The following CEP95 variants were observed in gnomAD, a reference collection of about 807,000 sequenced individuals.
CEP95 encodes the protein centrosomal protein 95.
Under a neutral mutation model 111.2 loss-of-function variants are expected in CEP95, and 98 were observed. The observed-to-expected ratio is 0.88, with a 90% confidence interval of 0.75 to 1.04. The LOEUF (loss-of-function observed/expected upper bound fraction) is 1.04, where lower values mean the gene tolerates loss of function less well. Ranked by LOEUF, CEP95 falls within the 50% of genes least tolerant of loss-of-function variation. CEP95 has a pLI of 0.00. For missense variants in CEP95, 1,027 were observed against 977.2 expected, an observed-to-expected ratio of 1.05 and a Z score of -0.68; for synonymous variants, 323 against 327.1, an observed-to-expected ratio of 0.99 and a Z score of 0.14.
intron 4 of CEP95, 170 bp downstream of exon 4, chr17:64,514,528 G>A: frequency 2.1e-6 from 1 of 466,652 alleles, no homozygotes; most frequent in Non-Finnish European, 3.8e-6. Flanking sequence ...GTTGGAAACT[G>A]TCTTAGACTG....
intron 1 of CEP95, chr17:64,508,061 G>T: frequency 1.0e-6 from 1 of 985,350 alleles, no homozygotes; most frequent in South Asian, 4.7e-5. Context: ...CATTACCGTT[G>T]ATGTTGTTAT....
Position 64,521,532 on chromosome 17 carries a change from G to A in CEP95, c.715+5G>A, listed in dbSNP as rs782242928. On this transcript the variant is annotated splice_donor_5th_base_variant and intron_variant, in intron 7 of 19. Transcript: ENST00000556440. ...GGACATCCTTTGTTGAAGACAGTGA[G>A]TTGTAATGGATGTTAGTTCTTTACT... is the stretch of plus-strand genomic sequence containing the variant. The A allele has an allele frequency of 3.7e-6, 6 of 1,607,910 alleles. No individual in the cohort carries two copies. Among genetic ancestry groups the A allele is most frequent in the Non-Finnish European group, 4.2e-6 (5 of 1,177,426 alleles).
rs142499688 is a variant in CEP95, at chr17:64,527,917, ACTAT to A, written c.1306+658_1306+661del. Among the ~76,000 whole-genome samples the A allele has an allele frequency of 4.3e-3, 638 of 149,310 alleles. 3 individuals carry two copies. The highest frequency in any genetic ancestry group is 0.011 in the African/African-American group (452 of 40,556). ...ACACACACACACACACGCGTGTAGC[ACTAT>A]CTATTTCCCCTATTGCTGGACATGT... On this transcript the variant is annotated intron_variant, in intron 11 of 19. Coordinates refer to ENST00000556440, the MANE Select transcript of CEP95 (RefSeq NM_138363.3).
At chr17:64,506,810 C>G (rs1239820445), upstream of CEP95, 4 of 573,372 alleles carry the variant, frequency 7.0e-6, no homozygotes, top group African/African-American at 5.6e-5. Context: ...TGATGTGGAC[C>G]GTCCGACCCG....
intron 3 of CEP95, among the ~76,000 whole-genome samples, chr17:64,511,103 A>C (rs1555674769): frequency 6.6e-6 from 1 of 152,194 alleles, no homozygotes; most frequent in African/African-American, 2.4e-5. Flanking sequence ...GTACTTCACA[A>C]GGTAATAGAA....
In CEP95 at chr17:64,522,753, C is replaced by A; in HGVS notation, c.767C>A (p.Pro256His). The A allele has an allele frequency of 1.2e-6, 2 of 1,613,780 alleles. No individual in the cohort carries two copies. Among genetic ancestry groups the A allele is most frequent in the Non-Finnish European group, 1.7e-6 (2 of 1,179,796 alleles). The change falls in exon 8 of 20, where the codon CCT becomes CAT. Residue 256 changes from proline to histidine, a missense_variant. By Grantham distance (77) the Pro-to-His change is moderately conservative. Transcript: ENST00000556440. ...GIPNARKLGE[P>H]IRAAIPLHPP... ...CCAAATGCTAGGAAGCTAGGGGAGC[C>A]TATCCGAGCAGCTATTCCTTTACAT...
Position 64,521,274 on chromosome 17 carries a change from A to C in CEP95, c.590-128A>C. ...AATAATTGGTATTTTGAGCAGTTGG[A>C]CCAACATTATTTCGTTCAACATTAT... On this transcript the variant is annotated intron_variant, in intron 6 of 19. Transcript: ENST00000556440. The C allele has an allele frequency of 4.6e-6, 3 of 652,868 alleles. No individual in the cohort carries two copies. In the South Asian group the frequency reaches 6.2e-5, roughly 13 times the overall value. The allele number at this position is 652,868 out of a possible 1,614,324, so 40.4% of individuals were successfully genotyped here.
chr17:64,509,504 G>A (rs771659731), intron 2 of CEP95, among the ~76,000 whole-genome samples: 4 of 152,176 alleles, frequency 2.6e-5, no homozygotes, highest in Non-Finnish European at 4.4e-5. Context: ...GGCCAATATG[G>A]CAAAATGCCA....
Position 64,519,934 on chromosome 17 carries a change from A to C in CEP95, c.589+498A>C, listed in dbSNP as rs1471437230. Among the ~76,000 whole-genome samples, 4 of 151,918 alleles carry C rather than the reference A, an allele frequency of 2.6e-5. No individual in the cohort carries two copies. In the East Asian group the frequency reaches 7.7e-4, roughly 29 times the overall value. ...AACCTTGCCCTCCTCCAATCATCCT[A>C]CTCCATCCTGTCCACCGTGGCTTCA... is the stretch of plus-strand genomic sequence containing the variant. On this transcript the variant is annotated intron_variant, in intron 6 of 19. Transcript: ENST00000556440.
rs1968518143 is a variant in CEP95, at chr17:64,534,590, C to T, written c.1923C>T (p.Asp641=). ...CTCCCCTTTCCCTTTCTTAGCAAGA[C>T]TTCAAGGACTGCATTCGTAGGCAAA... The part of the protein sequence containing the change: ...KEYEHNKRLQ[D]FKDCIRRQRL... Residue 641 remains aspartate, a synonymous_variant, in exon 17 of 20, where the codon GAC becomes GAT. Coordinates refer to ENST00000556440, the MANE Select transcript of CEP95 (RefSeq NM_138363.3). 6.2e-7 allele frequency: 1 copy of T among 1,613,158 alleles called. No homozygotes were observed. The highest frequency in any genetic ancestry group is 2.2e-5 in the East Asian group (1 of 44,824).
Position 64,537,589 on chromosome 17 carries a change from CCTT to C in CEP95, c.2290-10_2290-8del, listed in dbSNP as rs1568162252. Reference sequence around the variant, plus strand: ...ATGCTGTGAACAGCGGGATGACATGCCTTCTTTTTTCAGACATTACATAAGGTG... The same window carrying C: ...ATGCTGTGAACAGCGGGATGACATGCCTTTTTTCAGACATTACATAAGGTG... On this transcript the variant is annotated splice_polypyrimidine_tract_variant and intron_variant, in intron 19 of 19. Transcript: ENST00000556440. 9 of 1,576,034 alleles carry C rather than the reference CCTT, an allele frequency of 5.7e-6. No homozygotes were observed. The highest frequency in any genetic ancestry group is 1.2e-5 in the South Asian group (1 of 85,734).
intron 18 of CEP95, 88 bp downstream of exon 18, chr17:64,536,836 A>G: frequency 6.9e-7 from 1 of 1,445,338 alleles, no homozygotes; most frequent in Non-Finnish European, 9.4e-7. Context: ...TTGACAATAA[A>G]CCTTGTGTTA....
At position 64,530,926 on chromosome 17, in the gene CEP95, G is replaced by A. The variant is rs781896543; in HGVS notation, c.1447G>A (p.Ala483Thr). 2 of 1,534,898 alleles carry A rather than the reference G, an allele frequency of 1.3e-6. No individual in the cohort carries two copies. Among genetic ancestry groups the A allele is most frequent in the Non-Finnish European group, 1.8e-6 (2 of 1,132,762 alleles). The change falls in exon 13 of 20, where the codon GCG (alanine) becomes ACG (threonine). Residue 483 changes from alanine (A) to threonine (T), a missense_variant and splice_region_variant. Physicochemically the swap from Ala to Thr is moderately conservative, Grantham distance 58. Coordinates refer to ENST00000556440, the MANE Select transcript of CEP95 (RefSeq NM_138363.3). Reference sequence around the variant, plus strand: ...TAATATATGACCTTTTCCCCTTTAGGCGTTTACTGAAGCATTTGAAAGGGA... The same window carrying A: ...TAATATATGACCTTTTCCCCTTTAGACGTTTACTGAAGCATTTGAAAGGGA... ...ETDVRQFQAQAFTEAFERELR... is the reference protein window; with the variant it reads ...ETDVRQFQAQTFTEAFERELR...
rs541033063 is a variant in CEP95 at position 64,509,578 on chromosome 17, G to A, written c.149-595G>A. The stretch of plus-strand genomic sequence containing the variant: ...TGCACGCCTATAAACCCAGCTACTT[G>A]GGAGGCTGAGGCAAGAGAATTGCTT... On this transcript the variant is annotated intron_variant, in intron 2 of 19. Coordinates refer to ENST00000556440, the MANE Select transcript of CEP95 (RefSeq NM_138363.3). Among the ~76,000 whole-genome samples, 15 of 152,326 alleles carry A rather than the reference G, an allele frequency of 9.8e-5. No individual in the cohort carries two copies. In the South Asian group the frequency reaches 3.1e-3, roughly 32 times the overall value.
At chr17:64,534,543 CTT>C (rs782757431) in intron 16 of CEP95, 40 bp from the exon 17 acceptor site, 1 of 1,571,624 alleles carries the variant, frequency 6.4e-7, no homozygotes, top group South Asian at 1.1e-5. Context: ...CTGCATTCCT[CTT>C]GTCCTTACCC....
intron 7 of CEP95, among the ~76,000 whole-genome samples, chr17:64,522,167 GT>G: frequency 6.6e-6 from 1 of 152,002 alleles, no homozygotes; most frequent in South Asian, 2.1e-4. Flanking sequence ...AATCATTCTT[GT>G]TTCTTATTAT....
upstream of CEP95, chr17:64,506,762 G>C (rs909308555): frequency 4.1e-5 from 21 of 508,274 alleles, no homozygotes; most frequent in Middle Eastern, 5.3e-4. Flanking sequence ...CACCGGAAGT[G>C]CGCTGCTCGC....
chr17:64,531,045 A>T (rs781964600), intron 13 of CEP95, 27 bp downstream of exon 13: 1 of 1,312,870 alleles, frequency 7.6e-7, no homozygotes, highest in South Asian at 1.3e-5. Context: ...ACTGTAATAA[A>T]TGCCATTTGA....
At position 64,519,323 on chromosome 17, in the gene CEP95, G is replaced by A; in HGVS notation, c.476G>A (p.Cys159Tyr). 1.9e-6 allele frequency: 3 copies of A among 1,612,710 alleles called. No homozygotes were observed. The highest frequency in any genetic ancestry group is 2.5e-6 in the Non-Finnish European group (3 of 1,178,774). ...AGTGAAGGAGGGAACTTTTCCAGGT[G>A]CTCCTTGTCTTCTGAGATGTTGGGC... ...SSWKRVSFGR[C>Y]SLSSEMLGPS... is the part of the protein sequence containing the mutation. Residue 159 changes from cysteine (C) to tyrosine (Y), a missense_variant and splice_region_variant, in exon 6 of 20, where the codon TGC becomes TAC. Coordinates refer to ENST00000556440, the MANE Select transcript of CEP95 (RefSeq NM_138363.3).
Sources: allele counts gnomAD v4.1 joint callset (sites outside exome capture counted in the v4.1 genomes callset), GRCh38; gene constraint gnomAD v4.1.1; transcripts MANE v1.5; gene names NCBI Gene and HGNC (gene_info 2026-07-23, HGNC 2026-07-21).